The following OTOG variants were observed in gnomAD, a reference collection of about 807,000 sequenced individuals.
OTOG encodes the protein otogelin.
A neutral mutation model predicts 313.8 loss-of-function variants in OTOG; 296 were observed. The ratio of observed to expected loss-of-function variants is 0.94; its 90% CI spans 0.86 to 1.04. OTOG has a LOEUF of 1.04. Ranked by LOEUF, OTOG falls within the 50% of genes least tolerant of loss-of-function variation. The pLI, the probability that OTOG is intolerant of heterozygous loss-of-function variation, is 0.00. For missense variants in OTOG, 3,948 were observed against 3,840.1 expected (o/e 1.03, Z -0.74); for synonymous variants, 1,533 against 1,554.9 (o/e 0.99, Z 0.33).
chr11:17,593,441 C>T, intron 26 of OTOG, 114 bp downstream of exon 26: 2 of 1,436,180 alleles, frequency 1.4e-6, no homozygotes, highest in East Asian at 2.5e-5. Context: ...TGGAGAGCCA[C>T]TGAGTTAGGA....
chr11:17,638,704 T>G (rs1235012520), intron 48 of OTOG, 155 bp downstream of exon 48: 7 of 1,529,054 alleles, frequency 4.6e-6, no homozygotes, highest in Non-Finnish European at 6.2e-6. Context: ...TCCTTCTGCA[T>G]CCGCACTCCA....
intron 33 of OTOG, among the ~76,000 whole-genome samples, chr11:17,606,993 A>T (rs1853405960): frequency 6.6e-6 from 1 of 152,222 alleles, no homozygotes; most frequent in African/African-American, 2.4e-5. Context: ...GCAGAGTGGC[A>T]TGAGCCCAGG....
At chr11:17,571,546 C>T (rs899932249) in intron 17 of OTOG, among the ~76,000 whole-genome samples, 27 of 152,272 alleles carry the variant, frequency 1.8e-4, no homozygotes, top group African/African-American at 5.8e-4. Flanking sequence ...AGCCAAAGGG[C>T]GAGCCAAGGA....
At chr11:17,636,800 C>T (rs931163677) in intron 47 of OTOG, among the ~76,000 whole-genome samples, 2 of 152,132 alleles carry the variant, frequency 1.3e-5, no homozygotes, top group East Asian at 1.9e-4. Flanking sequence ...CAGTTGGTTT[C>T]TGAGCCTCAG....
chr11:17,643,503 A>T lies in OTOG; in HGVS notation c.8458A>T (p.Thr2820Ser). The change falls in exon 54 of 56, where the codon ACC becomes TCC. Residue 2820 changes from threonine to serine, a missense_variant. Transcript: ENST00000399397. ...ACCTTCCTTGGAAGGATGCTGCAGG[A>T]CCTGTGAGTGAGCATGGTGGGGGCC... ...VVPSLEGCCRTCKEDGRSCKK... is the reference protein window; with the variant it reads ...VVPSLEGCCRSCKEDGRSCKK... The T allele has an allele frequency of 7.0e-7, 1 of 1,428,534 alleles. No individual in the cohort carries two copies. The highest frequency in any genetic ancestry group is 9.2e-7 in the Non-Finnish European group (1 of 1,083,340). 88.5% of individuals were successfully genotyped at this position (1,428,534 alleles called of 1,614,324 possible).
At chr11:17,570,170 A>T (rs752997565) in intron 16 of OTOG, 43 bp from the exon 17 acceptor site, 1 of 1,515,222 alleles carries the variant, frequency 6.6e-7, no homozygotes, top group East Asian at 2.5e-5. Flanking sequence ...CGGGGTGTGT[A>T]CTGGCTGCCC....
At chr11:17,563,445 GTCTT>G (rs1271910591) in intron 15 of OTOG, among the ~76,000 whole-genome samples, 6 of 152,216 alleles carry the variant, frequency 3.9e-5, no homozygotes, top group Non-Finnish European at 8.8e-5. Context: ...CAGAGGACTG[GTCTT>G]TCTTCTCCTT....
rs1565119211 is a variant in OTOG at position 17,613,374 on chromosome 11, C to CCTTCCCTCCT, written c.6439-238_6439-237insCTTCCCTCCT. On this transcript the variant is annotated intron_variant, in intron 38 of 55. Transcript: ENST00000399397. ...CTTCCTTCCTTCCTTCCTTCCTTCCCTCCTTCCTTCCTTCCTTCCTTCCTT... is the reference window on the plus strand; with the variant it reads ...CTTCCTTCCTTCCTTCCTTCCTTCCCCTTCCCTCCTTCCTTCCTTCCTTCCTTCCTTCCTT... Among the ~76,000 whole-genome samples, 138 of 74,704 alleles carry CCTTCCCTCCT rather than the reference C, an allele frequency of 1.8e-3. 2 individuals carry two copies. Among genetic ancestry groups the CCTTCCCTCCT allele is most frequent in the South Asian group, 4.3e-3 (8 of 1,868 alleles). 49.0% of individuals were successfully genotyped at this position (74,704 alleles called of 152,430 possible).
rs543171228 is a variant in OTOG, at chr11:17,606,081, C to A, written c.4102C>A (p.Arg1368=). The change falls in exon 33 of 56, where the codon CGG becomes AGG. Residue 1368 remains arginine (R), a synonymous_variant. Transcript: ENST00000399397. ...TGTGTCGGGCGCGGTGCTGGCCCTGCGGCTGTACGAACACACAGAGGTGTT... is the reference window on the plus strand; with the variant it reads ...TGTGTCGGGCGCGGTGCTGGCCCTGAGGCTGTACGAACACACAGAGGTGTT... ...LYVSGAVLAL[R]LYEHTEVFRR... is the part of the protein sequence containing the mutation. 9.6e-5 allele frequency: 149 copies of A among 1,549,782 alleles called. No homozygotes were observed. The highest frequency in any genetic ancestry group is 1.2e-4 in the Non-Finnish European group (137 of 1,146,762).
intron 30 of OTOG, among the ~76,000 whole-genome samples, chr11:17,598,361 T>C (rs757984): frequency 0.22 from 34,129 of 152,234 alleles, 4,137 homozygotes; most frequent in African/African-American, 0.3. Context: ...GTCTCTACTC[T>C]GGCTCAGTGG....
chr11:17,630,048 C>A (rs114632756), intron 40 of OTOG, among the ~76,000 whole-genome samples: 1 of 152,126 alleles, frequency 6.6e-6, no homozygotes, highest in Non-Finnish European at 1.5e-5. Flanking sequence ...CACACATTCC[C>A]ATTCATGCCC....
At chr11:17,640,646 A>T in intron 49 of OTOG, 99 bp from the exon 50 acceptor site, 2 of 1,263,560 alleles carry the variant, frequency 1.6e-6, no homozygotes, top group South Asian at 1.4e-5. Context: ...TGCCCACCAC[A>T]GGGAGGGACT....
At chr11:17,630,201 A>G (rs1854085780) in intron 40 of OTOG, among the ~76,000 whole-genome samples, 1 of 152,206 alleles carries the variant, frequency 6.6e-6, no homozygotes, top group African/African-American at 2.4e-5. Flanking sequence ...TCCCTGTTTT[A>G]TGGTGCTTCC....
In OTOG at chr11:17,634,220, A is replaced by T; in HGVS notation, c.7419A>T (p.Arg2473=). 6.5e-7 allele frequency: 1 copy of T among 1,550,350 alleles called. No individual in the cohort carries two copies. The highest frequency in any genetic ancestry group is 8.7e-7 in the Non-Finnish European group (1 of 1,146,902). Residue 2473 remains arginine, a synonymous_variant, in exon 44 of 56, where the codon CGA becomes CGT. Transcript: ENST00000399397. ...GTCCCCGCCCTGAGAGCTGCCTGCGATTCGGGGAGGTGGCCTTGCTCCTAC... is the reference window on the plus strand; with the variant it reads ...GTCCCCGCCCTGAGAGCTGCCTGCGTTTCGGGGAGGTGGCCTTGCTCCTAC... The part of the protein sequence containing the change: ...CPSPRPESCL[R]FGEVALLLPT...
At chr11:17,569,014 C>T (rs1220666727) in intron 15 of OTOG, 142 bp from the exon 16 acceptor site, 1 of 1,005,856 alleles carries the variant, frequency 9.9e-7, no homozygotes, top group Non-Finnish European at 1.4e-6. Flanking sequence ...TTGGATGATC[C>T]CTGATATCTT....
intron 26 of OTOG, 52 bp downstream of exon 26, chr11:17,593,379 G>T (rs1852998639): frequency 1.3e-6 from 2 of 1,542,910 alleles, no homozygotes. Context: ...GGTTACCAGG[G>T]TTGGGGCAGA....
At chr11:17,601,553 C>A (rs1181712709) in intron 31 of OTOG, among the ~76,000 whole-genome samples, 1 of 149,052 alleles carries the variant, frequency 6.7e-6, no homozygotes, top group Non-Finnish European at 1.5e-5. Flanking sequence ...TCTTTAGATT[C>A]TGTCCTGAGG....
Position 17,609,943 on chromosome 11 carries a change from C to T in OTOG, c.4643C>T (p.Ser1548Phe). ...ASQLPAGPTE[S>F]PASKGVTASL... ...CAACTCCCCGCCGGCCCCACGGAGT[C>T]CCCAGCCAGCAAGGGAGTGACTGCC... The change falls in exon 36 of 56, where the codon TCC becomes TTC. Residue 1548 changes from serine to phenylalanine, a missense_variant. Coordinates refer to ENST00000399397, the MANE Select transcript of OTOG (RefSeq NM_001292063.2). The T allele has an allele frequency of 6.5e-7, 1 of 1,539,136 alleles. No individual in the cohort carries two copies. Among genetic ancestry groups the T allele is most frequent in the Middle Eastern group, 1.7e-4 (1 of 5,934 alleles).
chr11:17,591,412 G>A, intron 24 of OTOG, 38 bp from the exon 25 acceptor site: 1 of 1,549,174 alleles, frequency 6.5e-7, no homozygotes, highest in Non-Finnish European at 8.7e-7. Flanking sequence ...TATGGGGTGG[G>A]TGTGCCCTGT....
Sources: gnomAD v4.1 joint callset for allele counts (sites outside exome capture counted in the v4.1 genomes callset) on GRCh38, gnomAD v4.1.1 for gene constraint, MANE v1.5 for transcripts, NCBI Gene and HGNC (gene_info 2026-07-23, HGNC 2026-07-21) for gene names.